MRPL13: variants seen among roughly 807,000 people sequenced by gnomAD.
MRPL13 encodes the protein large ribosomal subunit protein uL13m.
Under a neutral mutation model 29.0 loss-of-function variants are expected in MRPL13, and 33 were observed. The ratio of observed to expected loss-of-function variants is 1.14; its 90% CI spans 0.86 to 1.52. The LOEUF is 1.52. MRPL13 is among the 40% of genes most tolerant of loss of function. The pLI is 0.00. For synonymous variants in MRPL13, 77 were observed against 68.4 expected (o/e 1.13, Z -0.62); for missense variants, 227 against 216.7 (o/e 1.05, Z -0.30).
At chr8:120,439,139 C>T (rs986058981) in intron 2 of MRPL13, among the ~76,000 whole-genome samples, 5 of 152,228 alleles carry the variant, frequency 3.3e-5, no homozygotes, top group Admixed American at 6.5e-5. Context: ...TGTTACTTGA[C>T]GCACATGTTC....
At chr8:120,440,886 T>C (rs1219344671) in intron 2 of MRPL13, among the ~76,000 whole-genome samples, 2 of 151,796 alleles carry the variant, frequency 1.3e-5, no homozygotes, top group African/African-American at 2.4e-5. Flanking sequence ...CAGATCACAG[T>C]GAGGCAGTTT....
At chr8:120,399,222 A>G (rs1477520650) in intron 6 of MRPL13, among the ~76,000 whole-genome samples, 1 of 152,186 alleles carries the variant, frequency 6.6e-6, no homozygotes, top group East Asian at 1.9e-4. Context: ...AATAAAAGAA[A>G]AAATGTTAAG....
At position 120,444,949 on chromosome 8, in the gene MRPL13, T is replaced by A. The variant is rs369851064; in HGVS notation, c.27+119A>T. ...CCCTCTTGTGCTTTCCCAAGTCACCTCTTGGCCGAGGGTCTCGGCTTCCCT... is the reference window on the plus strand; with the variant it reads ...CCCTCTTGTGCTTTCCCAAGTCACCACTTGGCCGAGGGTCTCGGCTTCCCT... On this transcript the variant is annotated intron_variant, in intron 1 of 6. Coordinates refer to ENST00000306185, the MANE Select transcript of MRPL13 (RefSeq NM_014078.6). 20 of 1,336,670 alleles carry A rather than the reference T, an allele frequency of 1.5e-5. No individual in the cohort carries two copies. In the African/African-American group the frequency reaches 1.6e-4, roughly 11 times the overall value. The allele number at this position is 1,336,670 out of a possible 1,614,324, so 82.8% of individuals were successfully genotyped here.
intron 2 of MRPL13, among the ~76,000 whole-genome samples, chr8:120,439,099 A>G (rs1452300637): frequency 6.6e-6 from 1 of 152,240 alleles, no homozygotes; most frequent in Non-Finnish European, 1.5e-5. Context: ...GCAGTCATTC[A>G]TGGACATGCT....
chr8:120,435,944 T>C (rs1813049543), intron 2 of MRPL13, among the ~76,000 whole-genome samples: 1 of 152,142 alleles, frequency 6.6e-6, no homozygotes, highest in South Asian at 2.1e-4. Context: ...TGTCTCTTTA[T>C]GTATGTCCTT....
chr8:120,429,060 G>A (rs765206926), intron 3 of MRPL13, among the ~76,000 whole-genome samples: 1 of 151,952 alleles, frequency 6.6e-6, no homozygotes, highest in Non-Finnish European at 1.5e-5. Context: ...GTTCACTGCA[G>A]CACTATTCAT....
At chr8:120,443,154 T>C (rs1293957752) in intron 2 of MRPL13, 31 bp downstream of exon 2, 3 of 1,469,520 alleles carry the variant, frequency 2.0e-6, no homozygotes, top group African/African-American at 1.4e-5. Context: ...AAAACTACAG[T>C]GGTTAATGAC....
At chr8:120,413,063 C>A (rs1191946569) in intron 6 of MRPL13, among the ~76,000 whole-genome samples, 1 of 151,982 alleles carries the variant, frequency 6.6e-6, no homozygotes, top group Non-Finnish European at 1.5e-5. Context: ...TGTAGAGAGA[C>A]AAATAACAGA....
chr8:120,432,238 G>T, intron 2 of MRPL13, 115 bp from the exon 3 acceptor site: 1 of 638,598 alleles, frequency 1.6e-6, no homozygotes, highest in East Asian at 3.1e-5. Flanking sequence ...AAAATAAAAA[G>T]CAAGTTACAG....
At chr8:120,423,232 GC>G (rs1218353894) in intron 4 of MRPL13, among the ~76,000 whole-genome samples, 2 of 151,796 alleles carry the variant, frequency 1.3e-5, no homozygotes, top group Non-Finnish European at 1.5e-5. Flanking sequence ...TACTGAGAAT[GC>G]CCCACAGAGA....
intron 6 of MRPL13, among the ~76,000 whole-genome samples, chr8:120,408,095 C>T (rs371287862): frequency 7.9e-5 from 12 of 152,220 alleles, no homozygotes; most frequent in African/African-American, 2.4e-4. Context: ...TTCCTAGGCA[C>T]TGTAGCACCA....
chr8:120,432,206 C>T (rs1380023543), intron 2 of MRPL13, 83 bp from the exon 3 acceptor site: 1 of 985,166 alleles, frequency 1.0e-6, no homozygotes, highest in African/African-American at 1.7e-5. Context: ...TAAAGCTTAT[C>T]AAAGTTCAAA....
At chr8:120,430,299 A>G (rs1251500661) in intron 3 of MRPL13, among the ~76,000 whole-genome samples, 3 of 152,096 alleles carry the variant, frequency 2.0e-5, no homozygotes, top group African/African-American at 7.2e-5. Flanking sequence ...CATTTCCACA[A>G]TGTGGAATCC....
intron 6 of MRPL13, among the ~76,000 whole-genome samples, chr8:120,397,275 A>C (rs1024427946): frequency 6.6e-6 from 1 of 152,130 alleles, no homozygotes; most frequent in Non-Finnish European, 1.5e-5. Context: ...CCAGGAGTTT[A>C]ATAGACTCTA....
chr8:120,414,328 A>T (rs1812779920), intron 5 of MRPL13: 2 of 314,342 alleles, frequency 6.4e-6, no homozygotes, highest in South Asian at 6.3e-5. Flanking sequence ...CCTATTTTTT[A>T]AAATGTGCTG....
intron 4 of MRPL13, among the ~76,000 whole-genome samples, chr8:120,424,130 A>G (rs1157718659): frequency 6.6e-6 from 1 of 152,166 alleles, no homozygotes; most frequent in Admixed American, 6.5e-5. Flanking sequence ...TGAGGCAAAC[A>G]CTAATCAAAA....
intron 1 of MRPL13, chr8:120,444,832 C>G: frequency 2.1e-6 from 1 of 468,034 alleles, no homozygotes; most frequent in Non-Finnish European, 4.0e-6. Context: ...CTCTTCCCCC[C>G]GCCCCCCCAA....
At chr8:120,418,093 A>G (rs974943089) in intron 5 of MRPL13, among the ~76,000 whole-genome samples, 6 of 152,102 alleles carry the variant, frequency 3.9e-5, no homozygotes, top group Admixed American at 2.0e-4. Flanking sequence ...ACATAAATAT[A>G]TGCTTGTGTG....
chr8:120,405,931 C>T (rs1257184198), intron 6 of MRPL13, among the ~76,000 whole-genome samples: 2 of 152,104 alleles, frequency 1.3e-5, no homozygotes, highest in African/African-American at 2.4e-5. Context: ...TTAAATGAAA[C>T]GGCTTAATCT....
Sources: gnomAD v4.1 joint callset for allele counts (sites outside exome capture counted in the v4.1 genomes callset) on GRCh38, gnomAD v4.1.1 for gene constraint, MANE v1.5 for transcripts, NCBI Gene and HGNC (gene_info 2026-07-23, HGNC 2026-07-21) for gene names.